The following FOXRED1 variants were observed in gnomAD, a reference collection of about 807,000 sequenced individuals.
FOXRED1 encodes FAD-dependent oxidoreductase domain-containing protein 1.
Under a neutral mutation model 57.8 loss-of-function variants are expected in FOXRED1, and 52 were observed. The ratio of observed to expected loss-of-function variants is 0.90; its 90% CI spans 0.72 to 1.13. The LOEUF (loss-of-function observed/expected upper bound fraction) is 1.13, where lower values mean the gene tolerates loss of function less well. Ranked by LOEUF, FOXRED1 falls within the 50% of genes most tolerant of loss-of-function variation. FOXRED1 has a pLI of 0.00. For missense variants in FOXRED1, 589 were observed against 625.2 expected (o/e 0.94, Z 0.62); for synonymous variants, 271 against 248.3 (o/e 1.09, Z -0.86).
chr11:126,276,890 A>AT, intron 9 of FOXRED1, 181 bp from the exon 10 acceptor site: 1 of 601,574 alleles, frequency 1.7e-6, no homozygotes, highest in Non-Finnish European at 3.0e-6. Flanking sequence ...AAAAAAAAAA[A>AT]GAAAAAGAAT....
In FOXRED1 at chr11:126,277,136, C is replaced by T. The variant is rs560953332; in HGVS notation, c.1167C>T (p.Pro389=). The change falls in exon 10 of 11, where the codon CCC becomes CCT. Residue 389 remains proline (P), a synonymous_variant. Coordinates refer to ENST00000263578, the MANE Select transcript of FOXRED1 (RefSeq NM_017547.4). This position sits in a 1 kb window ranked among gnomAD's most constrained non-coding sequence, Gnocchi z 6.8. ...ATTTCTTCCAGGACAAGGTGTGGCC[C>T]CATTTGGCCCTGAGGGTCCCAGCTT... ...DHDFFQDKVW[P]HLALRVPAFE... 1.9e-6 allele frequency: 3 copies of T among 1,613,440 alleles called. No homozygotes were observed. The highest frequency in any genetic ancestry group is 1.3e-5 in the African/African-American group (1 of 75,042).
Position 126,273,722 on chromosome 11 carries a change from T to G in FOXRED1, c.536+268T>G. On this transcript the variant is annotated intron_variant, in intron 4 of 10. Coordinates refer to ENST00000263578, the MANE Select transcript of FOXRED1 (RefSeq NM_017547.4). The surrounding 1 kb of genome is among the most constrained non-coding windows in gnomAD (Gnocchi z 5.9). The stretch of plus-strand genomic sequence containing the variant: ...CCCAGACCTAATAAACCAGAATCTC[T>G]AGGGAAGGAGCCCACAAATCTGGGT... 44 of 465,428 alleles carry G rather than the reference T, an allele frequency of 9.5e-5. No homozygotes were observed. The highest frequency in any genetic ancestry group is 1.3e-4 in the East Asian group (3 of 23,438). 28.8% of individuals were successfully genotyped at this position (465,428 alleles called of 1,614,324 possible).
chr11:126,272,560 G>A lies in FOXRED1; in HGVS notation c.307-409G>A, dbSNP rs111449842. The A allele has an allele frequency of 8.4e-3, 2,307 of 275,424 alleles. 51 individuals carry two copies. Among genetic ancestry groups the A allele is most frequent in the African/African-American group, 0.048 (2,152 of 44,394 alleles). 17.1% of individuals were successfully genotyped at this position (275,424 alleles called of 1,614,324 possible). On this transcript the variant is annotated intron_variant, in intron 2 of 10. Coordinates refer to ENST00000263578, the MANE Select transcript of FOXRED1 (RefSeq NM_017547.4). This position sits in a 1 kb window ranked among gnomAD's most constrained non-coding sequence, Gnocchi z 4.6. ...GCCCGCCTCGGCCTCCCAAAGTGCT[G>A]GGATTACAGGCATGAGCCACCCACC... is the stretch of plus-strand genomic sequence containing the variant.
chr11:126,275,639 G>A lies in FOXRED1; in HGVS notation c.734-155G>A. On this transcript the variant is annotated intron_variant, in intron 6 of 10. Transcript: ENST00000263578. The surrounding 1 kb of genome is among the most constrained non-coding windows in gnomAD (Gnocchi z 5.9). ...CTGAGCACTGTCCTGTCAGAGTGTG[G>A]CCAAGCTCATGCCAGCTCCCTCATC... 1 of 726,668 alleles carries A rather than the reference G, an allele frequency of 1.4e-6. No individual in the cohort carries two copies. The highest frequency in any genetic ancestry group is 2.5e-6 in the Non-Finnish European group (1 of 406,106). 45.0% of individuals were successfully genotyped at this position (726,668 alleles called of 1,614,324 possible). A position where few individuals can be genotyped will look rare whatever the true frequency, so the allele number is the denominator to read the frequency against.
Position 126,276,129 on chromosome 11 carries a change from G to A in FOXRED1, c.881G>A (p.Trp294Ter). The change falls in exon 8 of 11, where the codon TGG (tryptophan) becomes TAG (stop). Residue 294 changes from tryptophan (W) to a stop codon, truncating the protein, a stop_gained. Coordinates refer to ENST00000263578, the MANE Select transcript of FOXRED1 (RefSeq NM_017547.4). LOFTEE classifies it high-confidence loss of function. ...ATTGTGATCAACGCAGCCGGAGCCT[G>A]GTCTGCGCAAATCGCAGCACTGGCT... ...CAIVINAAGA[W>*]SAQIAALAGV... The A allele has an allele frequency of 6.2e-7, 1 of 1,612,546 alleles. No homozygotes were observed. Among genetic ancestry groups the A allele is most frequent in the Non-Finnish European group, 8.5e-7 (1 of 1,179,886 alleles).
chr11:126,273,347 C>A lies in FOXRED1; in HGVS notation c.429C>A (p.Ala143=). Residue 143 remains alanine (A), a synonymous_variant, in exon 4 of 11, where the codon GCC becomes GCA. Transcript: ENST00000263578. The surrounding 1 kb of genome is among the most constrained non-coding windows in gnomAD (Gnocchi z 5.9). ...SFLRNINEYL[A]VVDAPPLDLR... ...CTGTCTGCACACAGGAGTACCTGGCCGTAGTCGATGCTCCTCCCCTGGACC... is the reference window on the plus strand; with the variant it reads ...CTGTCTGCACACAGGAGTACCTGGCAGTAGTCGATGCTCCTCCCCTGGACC... 1 of 1,612,062 alleles carries A rather than the reference C, an allele frequency of 6.2e-7. No homozygotes were observed. The highest frequency in any genetic ancestry group is 8.5e-7 in the Non-Finnish European group (1 of 1,178,264).
At position 126,278,120 on chromosome 11, in the gene FOXRED1, C is replaced by A. The variant is rs1407437767; in HGVS notation, c.*431C>A. ...TCCATTAATCAATACATGTAATTAA[C>A]TCCTTCCCTCCAGTCTTCTGTCTCT... On this transcript the variant is annotated 3_prime_UTR_variant, in exon 11 of 11. Transcript: ENST00000263578. The surrounding 1 kb of genome is among the most constrained non-coding windows in gnomAD (Gnocchi z 4.8). The A allele has an allele frequency of 2.2e-6, 1 of 460,048 alleles. No individual in the cohort carries two copies. Among genetic ancestry groups the A allele is most frequent in the Non-Finnish European group, 4.3e-6 (1 of 231,158 alleles). The allele number at this position is 460,048 out of a possible 1,614,324, so 28.5% of individuals were successfully genotyped here.
At chr11:126,270,836 G>C (rs1173777075) in intron 1 of FOXRED1, 1 of 158,562 alleles carries the variant, frequency 6.3e-6, no homozygotes, top group Non-Finnish European at 1.4e-5. Flanking sequence ...GATGGAAGCG[G>C]GGAATCAGTG....
Position 126,272,913 on chromosome 11 carries a change from T to C in FOXRED1, c.307-56T>C. The C allele has an allele frequency of 1.2e-6, 1 of 867,038 alleles. No homozygotes were observed. Among genetic ancestry groups the C allele is most frequent in the Non-Finnish European group, 2.0e-6 (1 of 497,084 alleles). 53.7% of individuals were successfully genotyped at this position (867,038 alleles called of 1,614,324 possible). On this transcript the variant is annotated intron_variant, in intron 2 of 10. Coordinates refer to ENST00000263578, the MANE Select transcript of FOXRED1 (RefSeq NM_017547.4). This position sits in a 1 kb window ranked among gnomAD's most constrained non-coding sequence, Gnocchi z 4.6. Reference sequence around the variant, plus strand: ...TAGCTCGAAGCTTTCATTGCAGTATTCTAGTCACATGTGATAGGGTACTGG... The same window carrying C: ...TAGCTCGAAGCTTTCATTGCAGTATCCTAGTCACATGTGATAGGGTACTGG...
Position 126,277,930 on chromosome 11 carries a change from C to T in FOXRED1, c.*241C>T. The T allele has an allele frequency of 1.5e-6, 1 of 663,732 alleles. No homozygotes were observed. The highest frequency in any genetic ancestry group is 2.8e-6 in the Non-Finnish European group (1 of 361,924). 41.1% of individuals were successfully genotyped at this position (663,732 alleles called of 1,614,324 possible). A position where few individuals can be genotyped will look rare whatever the true frequency, so the allele number is the denominator to read the frequency against. On this transcript the variant is annotated 3_prime_UTR_variant, in exon 11 of 11. Coordinates refer to ENST00000263578, the MANE Select transcript of FOXRED1 (RefSeq NM_017547.4). This position sits in a 1 kb window ranked among gnomAD's most constrained non-coding sequence, Gnocchi z 6.8. Reference sequence around the variant, plus strand: ...TGTAGCCCATGCTGATGTCACCCACCAGGGCAATCCATCTGGAGGCCTGAG... The same window carrying T: ...TGTAGCCCATGCTGATGTCACCCACTAGGGCAATCCATCTGGAGGCCTGAG...
chr11:126,273,607 A>G lies in FOXRED1; in HGVS notation c.536+153A>G, dbSNP rs1591549985. 5.8e-6 allele frequency: 4 copies of G among 693,678 alleles called. No individual in the cohort carries two copies. The highest frequency in any genetic ancestry group is 4.4e-5 in the South Asian group (3 of 67,660). 43.0% of individuals were successfully genotyped at this position (693,678 alleles called of 1,614,324 possible). A position where few individuals can be genotyped will look rare whatever the true frequency, so the allele number is the denominator to read the frequency against. On this transcript the variant is annotated intron_variant, in intron 4 of 10. Transcript: ENST00000263578. The surrounding 1 kb of genome is among the most constrained non-coding windows in gnomAD (Gnocchi z 5.9). ...CAGGAAGAAAATACACAGACCTGCA[A>G]TGCCCTGGGAGTGCTGTACCACAGA...
At position 126,272,552 on chromosome 11, in the gene FOXRED1, A is replaced by G. The variant is rs1951019048; in HGVS notation, c.307-417A>G. The G allele has an allele frequency of 3.8e-6, 1 of 259,858 alleles. No homozygotes were observed. Among genetic ancestry groups the G allele is most frequent in the Non-Finnish European group, 7.6e-6 (1 of 132,230 alleles). 16.1% of individuals were successfully genotyped at this position (259,858 alleles called of 1,614,324 possible). A position where few individuals can be genotyped will look rare whatever the true frequency, so the allele number is the denominator to read the frequency against. ...AGCAATCAGCCCGCCTCGGCCTCCC[A>G]AAGTGCTGGGATTACAGGCATGAGC... On this transcript the variant is annotated intron_variant, in intron 2 of 10. Coordinates refer to ENST00000263578, the MANE Select transcript of FOXRED1 (RefSeq NM_017547.4). This position sits in a 1 kb window ranked among gnomAD's most constrained non-coding sequence, Gnocchi z 4.6.
Position 126,273,969 on chromosome 11 carries a change from G to A in FOXRED1, c.536+515G>A, listed in dbSNP as rs566364964. On this transcript the variant is annotated intron_variant, in intron 4 of 10. Coordinates refer to ENST00000263578, the MANE Select transcript of FOXRED1 (RefSeq NM_017547.4). This position sits in a 1 kb window ranked among gnomAD's most constrained non-coding sequence, Gnocchi z 5.9. Reference sequence around the variant, plus strand: ...AACCCCTGCTCTAAGTGATTCTCATGGTCAGGTGAGGGTGGGCATGTTTGT... The same window carrying A: ...AACCCCTGCTCTAAGTGATTCTCATAGTCAGGTGAGGGTGGGCATGTTTGT... 42 of 192,062 alleles carry A rather than the reference G, an allele frequency of 2.2e-4. No individual in the cohort carries two copies. The highest frequency in any genetic ancestry group is 4.2e-4 in the Non-Finnish European group (38 of 90,516). The allele number at this position is 192,062 out of a possible 1,614,324, so 11.9% of individuals were successfully genotyped here. A position where few individuals can be genotyped will look rare whatever the true frequency, so the allele number is the denominator to read the frequency against.
In FOXRED1 at chr11:126,271,376, C is replaced by T. The variant is rs2135255749; in HGVS notation, c.86-61C>T. 1 of 1,290,476 alleles carries T rather than the reference C, an allele frequency of 7.7e-7. No homozygotes were observed. The highest frequency in any genetic ancestry group is 1.2e-5 in the South Asian group (1 of 84,076). 79.9% of individuals were successfully genotyped at this position (1,290,476 alleles called of 1,614,324 possible). On this transcript the variant is annotated intron_variant, in intron 1 of 10. Transcript: ENST00000263578. This position sits in a 1 kb window ranked among gnomAD's most constrained non-coding sequence, Gnocchi z 5.3. The stretch of plus-strand genomic sequence containing the variant: ...CTCACCTTTTCCTGTGCCCATCCTC[C>T]AACCCCCCAACCATGTGGGAAGGAA...
rs1349450148 is a variant in FOXRED1, at chr11:126,274,446, C to G, written c.537-481C>G. 1 of 207,362 alleles carries G rather than the reference C, an allele frequency of 4.8e-6. No homozygotes were observed. Among genetic ancestry groups the G allele is most frequent in the Admixed American group, 5.3e-5 (1 of 19,040 alleles). The allele number at this position is 207,362 out of a possible 1,614,324, so 12.8% of individuals were successfully genotyped here. A position where few individuals can be genotyped will look rare whatever the true frequency, so the allele number is the denominator to read the frequency against. ...GATGGAACACCTGAGGTCAGGAGTT[C>G]GAGACCAGCCTGGCCAACTGGTGAA... On this transcript the variant is annotated intron_variant, in intron 4 of 10. Coordinates refer to ENST00000263578, the MANE Select transcript of FOXRED1 (RefSeq NM_017547.4). The surrounding 1 kb of genome is among the most constrained non-coding windows in gnomAD (Gnocchi z 4.8).
Position 126,274,573 on chromosome 11 carries a change from G to A in FOXRED1, c.537-354G>A, listed in dbSNP as rs573159394. 247 of 321,712 alleles carry A rather than the reference G, an allele frequency of 7.7e-4. 3 individuals carry two copies. Among genetic ancestry groups the A allele is most frequent in the African/African-American group, 4.8e-3 (223 of 46,574 alleles). 19.9% of individuals were successfully genotyped at this position (321,712 alleles called of 1,614,324 possible). On this transcript the variant is annotated intron_variant, in intron 4 of 10. Transcript: ENST00000263578. This position sits in a 1 kb window ranked among gnomAD's most constrained non-coding sequence, Gnocchi z 4.8. Reference sequence around the variant, plus strand: ...TGAAGCAGGAGAATCGCTTGAACCCGGGAGGAGGAGGTTGCAGTGAGCCAA... The same window carrying A: ...TGAAGCAGGAGAATCGCTTGAACCCAGGAGGAGGAGGTTGCAGTGAGCCAA...
rs1375948272 is a variant in FOXRED1 at position 126,274,865 on chromosome 11, C to T, written c.537-62C>T. On this transcript the variant is annotated intron_variant, in intron 4 of 10. Transcript: ENST00000263578. This position sits in a 1 kb window ranked among gnomAD's most constrained non-coding sequence, Gnocchi z 4.8. ...CCCACTTGTGGAGTTGGGGTCCATA[C>T]ATCATCCCCCTGCACACTCCCCTCT... The T allele has an allele frequency of 3.1e-6, 3 of 964,012 alleles. No individual in the cohort carries two copies. Among genetic ancestry groups the T allele is most frequent in the Non-Finnish European group, 5.1e-6 (3 of 586,002 alleles). The allele number at this position is 964,012 out of a possible 1,614,324, so 59.7% of individuals were successfully genotyped here. A position where few individuals can be genotyped will look rare whatever the true frequency, so the allele number is the denominator to read the frequency against.
intron 9 of FOXRED1, 151 bp downstream of exon 9, chr11:126,276,674 G>C: frequency 1.3e-6 from 1 of 798,624 alleles, no homozygotes; most frequent in Non-Finnish European, 2.1e-6. Flanking sequence ...TTAGGAGTTT[G>C]AGACCAGCCT....
chr11:126,276,857 C>G, intron 9 of FOXRED1: 1 of 521,594 alleles, frequency 1.9e-6, no homozygotes, highest in South Asian at 2.0e-5. Context: ...GCCTGGGCAA[C>G]AAGAGCAAAA....
Sources: gnomAD v4.1 joint callset for allele counts on GRCh38, gnomAD v4.1.1 for gene constraint, Gnocchi (gnomAD v3.1) non-coding constraint, MANE v1.5 for transcripts, NCBI Gene and HGNC (gene_info 2026-07-23, HGNC 2026-07-21) for gene names.